Variants in USP34 observed in about 807,000 individuals in gnomAD.
USP34 encodes ubiquitin specific peptidase 34.
Under a neutral mutation model 460.3 loss-of-function variants are expected in USP34, and 70 were observed. That is an observed-to-expected ratio of 0.15 (90% CI 0.13 to 0.19). USP34 has a LOEUF of 0.19. USP34 is among the 10% of genes least tolerant of loss of function. The pLI is 1.00. For missense variants in USP34, 3,985 were observed against 4,236.2 expected, an observed-to-expected ratio of 0.94 and a Z score of 1.65; for synonymous variants, 1,647 against 1,405.3, an observed-to-expected ratio of 1.17 and a Z score of -3.85.
chr2:61,336,951 T>C (rs1427048610), intron 18 of USP34, among the ~76,000 whole-genome samples: 1 of 152,154 alleles, frequency 6.6e-6, no homozygotes, highest in East Asian at 1.9e-4. Flanking sequence ...GCCTAAATCA[T>C]TATATAATCT....
At chr2:61,386,132 T>C (rs965514509) in intron 5 of USP34, among the ~76,000 whole-genome samples, 6 of 152,108 alleles carry the variant, frequency 3.9e-5, no homozygotes, top group Admixed American at 2.6e-4. Flanking sequence ...TGGTATACTA[T>C]GCCAAAGAGC....
intron 75 of USP34, among the ~76,000 whole-genome samples, chr2:61,199,259 G>A (rs1215306112): frequency 6.6e-6 from 1 of 151,590 alleles, no homozygotes; most frequent in African/African-American, 2.4e-5. Flanking sequence ...TCACAATTAA[G>A]TCCTTTTTTT....
chr2:61,288,592 A>C, intron 34 of USP34, 85 bp downstream of exon 34: 1 of 1,396,752 alleles, frequency 7.2e-7, no homozygotes, highest in Non-Finnish European at 1.0e-6. Flanking sequence ...AGTAATCTAG[A>C]ATACATTTCT....
intron 5 of USP34, among the ~76,000 whole-genome samples, chr2:61,385,458 T>G (rs977176624): frequency 6.6e-6 from 1 of 150,562 alleles, no homozygotes; most frequent in African/African-American, 2.4e-5. Flanking sequence ...GATCACGAGG[T>G]CAGGAGATCG....
At chr2:61,334,102 CT>C (rs1205577700) in intron 18 of USP34, 131 bp from the exon 19 acceptor site, 4 of 549,108 alleles carry the variant, frequency 7.3e-6, no homozygotes, top group Non-Finnish European at 1.2e-5. Flanking sequence ...AAACATTAAA[CT>C]TTTTTTCTCA....
At chr2:61,466,817 C>A (rs959214013) in intron 1 of USP34, among the ~76,000 whole-genome samples, 2 of 150,376 alleles carry the variant, frequency 1.3e-5, no homozygotes, top group African/African-American at 4.9e-5. Flanking sequence ...GAGGCTGAGG[C>A]AGAAGAATCA....
intron 1 of USP34, among the ~76,000 whole-genome samples, chr2:61,421,524 A>C (rs1694356261): frequency 6.6e-6 from 1 of 152,210 alleles, no homozygotes; most frequent in Admixed American, 6.5e-5. Flanking sequence ...ACAAAGTAGA[A>C]AACATAAGGG....
At chr2:61,238,367 A>G (rs1018730063) in intron 53 of USP34, among the ~76,000 whole-genome samples, 4 of 152,116 alleles carry the variant, frequency 2.6e-5, no homozygotes, top group Admixed American at 2.0e-4. Context: ...CATTCTTCAC[A>G]TGATTACCTC....
Position 61,343,841 on chromosome 2 carries a change from G to A in USP34, c.2474C>T (p.Ser825Phe). ...HLQQHLPNLASIYHEHLSQGP... is the reference protein window; with the variant it reads ...HLQQHLPNLAFIYHEHLSQGP... ...TTGACTAAGATGTTCATGGTAAATG[G>A]AAGCTAAATTGGGAAGATGTTGTTG... The change falls in exon 16 of 80, where the codon TCC becomes TTC. Residue 825 changes from serine to phenylalanine, a missense_variant. By Grantham distance (155) the Ser-to-Phe change is radical (BLOSUM62 -2). This residue lies in a region of USP34 where 716 missense variants were observed against 626.2 expected (regional missense o/e 1.14). Coordinates refer to ENST00000398571, the MANE Select transcript of USP34 (RefSeq NM_014709.4). The A allele has an allele frequency of 6.2e-7, 1 of 1,613,926 alleles. No homozygotes were observed. The highest frequency in any genetic ancestry group is 8.5e-7 in the Non-Finnish European group (1 of 1,179,896).
At chr2:61,364,971 A>G in intron 10 of USP34, among the ~76,000 whole-genome samples, 1 of 151,414 alleles carries the variant, frequency 6.6e-6, no homozygotes, top group Non-Finnish European at 1.5e-5. Context: ...ATAAATAAAT[A>G]GGCTGGGTGT....
chr2:61,267,784 T>A (rs976257823), intron 41 of USP34, among the ~76,000 whole-genome samples: 5 of 152,058 alleles, frequency 3.3e-5, no homozygotes, highest in African/African-American at 1.2e-4. Flanking sequence ...CGGTCTTAAT[T>A]TTTTGTATTT....
At chr2:61,229,668 C>G in intron 58 of USP34, 35 bp from the exon 59 acceptor site, 1 of 1,545,320 alleles carries the variant, frequency 6.5e-7, no homozygotes, top group East Asian at 2.3e-5. Flanking sequence ...CAAGAGCCAA[C>G]TCATCAGGTA....
intron 2 of USP34, among the ~76,000 whole-genome samples, chr2:61,406,839 T>C (rs1362844191): frequency 6.6e-6 from 1 of 151,000 alleles, no homozygotes; most frequent in Non-Finnish European, 1.5e-5. Flanking sequence ...ACCCTGTCTC[T>C]ACTAAAAATG....
In USP34 at chr2:61,242,454, TACATAC is replaced by T. The variant is rs1553356123; in HGVS notation, c.6628-641_6628-636del. Reference sequence around the variant, plus strand: ...AAAGGTAAGAGTCAACCAAAGATAATACATACACACACACACACACACACACACACA... The same window carrying T: ...AAAGGTAAGAGTCAACCAAAGATAATACACACACACACACACACACACACA... On this transcript the variant is annotated intron_variant, in intron 51 of 79. Coordinates refer to ENST00000398571, the MANE Select transcript of USP34 (RefSeq NM_014709.4). Among the ~76,000 whole-genome samples, 28 of 67,580 alleles carry T rather than the reference TACATAC, an allele frequency of 4.1e-4. 1 individual carries two copies. The highest frequency in any genetic ancestry group is 7.9e-4 in the Admixed American group (5 of 6,300). 44.3% of individuals were successfully genotyped at this position (67,580 alleles called of 152,430 possible).
At chr2:61,382,991 T>C (rs1030366485) in intron 6 of USP34, among the ~76,000 whole-genome samples, 2 of 152,220 alleles carry the variant, frequency 1.3e-5, no homozygotes, top group Admixed American at 1.3e-4. Flanking sequence ...AGACACTTAC[T>C]GTGTATTTGC....
intron 57 of USP34, among the ~76,000 whole-genome samples, chr2:61,233,615 C>A (rs1437186893): frequency 1.3e-5 from 2 of 151,914 alleles, no homozygotes; most frequent in Admixed American, 1.3e-4. Context: ...AGCTTGAAGC[C>A]TGGAGTTTGA....
chr2:61,352,412 A>C (rs1691967195), intron 10 of USP34, among the ~76,000 whole-genome samples: 1 of 152,060 alleles, frequency 6.6e-6, no homozygotes, highest in South Asian at 2.1e-4. Context: ...TGAAATTTCC[A>C]TAATATACTT....
chr2:61,293,970 A>G (rs985559326), intron 32 of USP34, among the ~76,000 whole-genome samples: 4 of 152,018 alleles, frequency 2.6e-5, no homozygotes, highest in African/African-American at 9.7e-5. Context: ...AGCCATGATC[A>G]TGCCACTGCA....
At position 61,262,048 on chromosome 2, in the gene USP34, G is replaced by A. The variant is rs367901858; in HGVS notation, c.5779-2272C>T. 1.3e-3 allele frequency among the ~76,000 whole-genome samples: 168 copies of A among 127,892 alleles called. 6 individuals carry two copies. In the South Asian group the frequency reaches 0.036, roughly 27 times the overall value. The allele number at this position is 127,892 out of a possible 152,430, so 83.9% of individuals were successfully genotyped here. ...AGAGGTTGCAGTGAGCCAAGATCGC[G>A]CCACTGCACTCTAGCTTGGGTAACA... On this transcript the variant is annotated intron_variant, in intron 43 of 79. Coordinates refer to ENST00000398571, the MANE Select transcript of USP34 (RefSeq NM_014709.4).
Sources: allele counts gnomAD v4.1 joint callset (sites outside exome capture counted in the v4.1 genomes callset), GRCh38; gene constraint gnomAD v4.1.1; regional missense constraint gnomAD v4.1.1; transcripts MANE v1.5; gene names NCBI Gene and HGNC (gene_info 2026-07-23, HGNC 2026-07-21).